The following FSTL4 variants were observed in gnomAD, a reference collection of about 807,000 sequenced individuals.
FSTL4 encodes follistatin-related protein 4.
Under a neutral mutation model 78.2 loss-of-function variants are expected in FSTL4, and 28 were observed. That is an observed-to-expected ratio of 0.36 (90% CI 0.27 to 0.49). FSTL4 has a LOEUF of 0.49. Among genes scored for constraint, FSTL4 ranks in the 20% least tolerant of loss-of-function variants. FSTL4 has a pLI of 0.98. For synonymous variants in FSTL4, 422 were observed against 440.5 expected, an observed-to-expected ratio of 0.96 and a Z score of 0.53; for missense variants, 922 against 1,084.9, an observed-to-expected ratio of 0.85 and a Z score of 2.11.
chr5:133,205,778 G>A (rs574515527), intron 14 of FSTL4, among the ~76,000 whole-genome samples: 5 of 139,086 alleles, frequency 3.6e-5, no homozygotes, highest in Admixed American at 2.3e-4. Context: ...GCATCTCTTT[G>A]TTTGTAATCA....
intron 3 of FSTL4, among the ~76,000 whole-genome samples, chr5:133,402,842 C>T (rs568472473): frequency 2.6e-5 from 4 of 152,256 alleles, no homozygotes; most frequent in Admixed American, 2.6e-4. Flanking sequence ...TCTCTTTTAT[C>T]CACTTTGCTA....
At chr5:133,506,433 T>C (rs1042319425) in intron 3 of FSTL4, among the ~76,000 whole-genome samples, 2 of 151,924 alleles carry the variant, frequency 1.3e-5, no homozygotes, top group Non-Finnish European at 2.9e-5. Context: ...AGTCAACAGC[T>C]CCACTCGAGA....
chr5:133,802,472 C>G, the FSTL4 span, among the ~76,000 whole-genome samples: 17 of 152,200 alleles, frequency 1.1e-4, no homozygotes, highest in Non-Finnish European at 8.8e-5. Context: ...GAAGCAAGAA[C>G]CTTTGTAATG....
At position 133,219,749 on chromosome 5, in the gene FSTL4, G is replaced by A. The variant is rs1489390624; in HGVS notation, c.1458+999C>T. ...TTCTTATCCAGGAAAACTGAATCCC[G>A]GTTAGGATTTGAGAGAGTCCCTCCA... is the stretch of plus-strand genomic sequence containing the variant. On this transcript the variant is annotated intron_variant, in intron 12 of 15. Coordinates refer to ENST00000265342, the MANE Select transcript of FSTL4 (RefSeq NM_015082.2). Among the ~76,000 whole-genome samples, 5 of 152,176 alleles carry A rather than the reference G, an allele frequency of 3.3e-5. No individual in the cohort carries two copies. The South Asian group carries it at 8.3e-4, about 25-fold the overall frequency.
chr5:133,694,836 A>G, the FSTL4 span, among the ~76,000 whole-genome samples: 3 of 152,186 alleles, frequency 2.0e-5, no homozygotes, highest in Non-Finnish European at 2.9e-5. Flanking sequence ...GTGTCCTCAC[A>G]TGGCAGAGAG....
intron 3 of FSTL4, among the ~76,000 whole-genome samples, chr5:133,450,990 G>A (rs1757373833): frequency 6.6e-6 from 1 of 152,110 alleles, no homozygotes; most frequent in Non-Finnish European, 1.5e-5. Flanking sequence ...GACAGAGGAG[G>A]GAGAGGCATG....
intron 11 of FSTL4, 72 bp downstream of exon 11, chr5:133,224,118 T>C: frequency 3.2e-6 from 4 of 1,243,732 alleles, no homozygotes; most frequent in Non-Finnish European, 4.7e-6. Flanking sequence ...TGGCAGATCA[T>C]GGAAAGACGG....
the FSTL4 span, among the ~76,000 whole-genome samples, chr5:133,663,216 C>T: frequency 1.5e-4 from 23 of 152,224 alleles, no homozygotes; most frequent in East Asian, 4.1e-3. Context: ...CACACACACA[C>T]GAATACATAT....
chr5:133,660,111 C>T, the FSTL4 span, among the ~76,000 whole-genome samples: 1 of 152,180 alleles, frequency 6.6e-6, no homozygotes, highest in Non-Finnish European at 1.5e-5. Context: ...TGTAATGTCC[C>T]TAAATCATTT....
chr5:133,702,400 T>C, the FSTL4 span, among the ~76,000 whole-genome samples: 54,356 of 151,846 alleles, frequency 0.36, 10,836 homozygotes, highest in African/African-American at 0.54. Context: ...AATGAGCCAA[T>C]AACCCTGGAA....
intron 6 of FSTL4, among the ~76,000 whole-genome samples, chr5:133,257,330 C>T (rs1044381036): frequency 6.6e-6 from 1 of 152,092 alleles, no homozygotes; most frequent in East Asian, 1.9e-4. Flanking sequence ...GCCTGGTTGC[C>T]CTCTTTCTTG....
intron 3 of FSTL4, among the ~76,000 whole-genome samples, chr5:133,560,433 G>C (rs971849278): frequency 4.6e-5 from 7 of 150,842 alleles, no homozygotes; most frequent in African/African-American, 1.7e-4. Flanking sequence ...GCAGTGGTGT[G>C]ATCTCGGCTC....
intron 4 of FSTL4, 66 bp from the exon 5 acceptor site, chr5:133,316,718 G>T: frequency 2.2e-6 from 3 of 1,348,956 alleles, no homozygotes; most frequent in Non-Finnish European, 3.1e-6. Context: ...CATTCTTGCC[G>T]CTGGTCCATT....
intron 8 of FSTL4, among the ~76,000 whole-genome samples, chr5:133,231,061 A>G (rs1345757361): frequency 6.6e-6 from 1 of 151,454 alleles, no homozygotes; most frequent in Non-Finnish European, 1.5e-5. Context: ...CCCACCTCCT[A>G]CCTAGACACC....
At chr5:133,589,475 T>C (rs980493336) in intron 2 of FSTL4, among the ~76,000 whole-genome samples, 4 of 151,610 alleles carry the variant, frequency 2.6e-5, no homozygotes, top group Non-Finnish European at 4.4e-5. Context: ...AGCTGCCAAG[T>C]CCCCAGTGGA....
intron 8 of FSTL4, among the ~76,000 whole-genome samples, chr5:133,229,196 G>T (rs899167832): frequency 6.6e-6 from 1 of 152,284 alleles, no homozygotes. Flanking sequence ...TCAAAATTAA[G>T]CCATATGTTT....
intron 14 of FSTL4, chr5:133,208,179 T>C (rs1750586476): frequency 1.3e-5 from 2 of 152,234 alleles, no homozygotes; most frequent in South Asian, 2.1e-4. Flanking sequence ...CTGATGTTTG[T>C]CTAGTATCTT....
chr5:133,205,855 G>GTCTT (rs1384512255), intron 14 of FSTL4, among the ~76,000 whole-genome samples: 1 of 152,160 alleles, frequency 6.6e-6, no homozygotes, highest in Non-Finnish European at 1.5e-5. Context: ...AAGCCAGAAT[G>GTCTT]TCTTAAAAAA....
chr5:133,826,896 A>G, the FSTL4 span, among the ~76,000 whole-genome samples: 1 of 152,254 alleles, frequency 6.6e-6, no homozygotes, highest in Admixed American at 6.5e-5. Context: ...GTCTTTTCTT[A>G]GGATGTCACC....
Sources: allele counts gnomAD v4.1 joint callset (sites outside exome capture counted in the v4.1 genomes callset), GRCh38; gene constraint gnomAD v4.1.1; transcripts MANE v1.5; gene names NCBI Gene and HGNC (gene_info 2026-07-23, HGNC 2026-07-21).